TMX4: variants seen among roughly 807,000 people sequenced by gnomAD.
The protein encoded by TMX4 is thioredoxin-related transmembrane protein 4.
A neutral mutation model predicts 33.3 loss-of-function variants in TMX4; 23 were observed. That is an observed-to-expected ratio of 0.69 (90% CI 0.50 to 0.98). The LOEUF (loss-of-function observed/expected upper bound fraction) is 0.98. TMX4 is among the 50% of genes least tolerant of loss of function. The pLI is 0.00. For synonymous variants in TMX4, 164 were observed against 161.5 expected, an observed-to-expected ratio of 1.02 and a Z score of -0.12; for missense variants, 399 against 448.9, an observed-to-expected ratio of 0.89 and a Z score of 1.01.
chr20:8,000,968 TC>T (rs1167852826), intron 3 of TMX4, among the ~76,000 whole-genome samples: 1 of 152,140 alleles, frequency 6.6e-6, no homozygotes, highest in Non-Finnish European at 1.5e-5. Flanking sequence ...GACTCTTCCT[TC>T]CCACAGCTAA....
At chr20:7,989,252 G>A (rs2050644027) in intron 5 of TMX4, among the ~76,000 whole-genome samples, 1 of 151,976 alleles carries the variant, frequency 6.6e-6, no homozygotes, top group African/African-American at 2.4e-5. Context: ...GATGGTCAAA[G>A]TCAATCTGCC....
intron 1 of TMX4, chr20:8,018,979 C>T (rs557071967): frequency 1.4e-5 from 6 of 443,484 alleles, no homozygotes; most frequent in Admixed American, 9.8e-5. Flanking sequence ...GCCTGTGCTA[C>T]GTATTCATAC....
intron 5 of TMX4, 54 bp from the exon 6 acceptor site, chr20:7,987,443 T>C: frequency 1.6e-6 from 2 of 1,263,210 alleles, no homozygotes; most frequent in Non-Finnish European, 2.2e-6. Context: ...ACCAAAAATA[T>C]TTCAATCTCT....
At chr20:8,006,089 G>A (rs2050728939) in intron 2 of TMX4, among the ~76,000 whole-genome samples, 1 of 152,096 alleles carries the variant, frequency 6.6e-6, no homozygotes, top group African/African-American at 2.4e-5. Context: ...ACGCCCACTG[G>A]GGCTTCAGCT....
chr20:7,982,347 T>C lies in TMX4; in HGVS notation c.954A>G (p.Glu318=). The change falls in exon 8 of 8, where the codon GAA becomes GAG. Residue 318 remains glutamate (E), a synonymous_variant. Coordinates refer to ENST00000246024, the MANE Select transcript of TMX4 (RefSeq NM_021156.4). ...TREEVEPEEA[E]EGISEQPCPA... ...GGCAGGGTTGCTCAGAGATGCCTTC[T>C]TCAGCCTCCTCAGGCTCTACTTCCT... is the stretch of plus-strand genomic sequence containing the variant. 2.5e-6 allele frequency: 4 copies of C among 1,614,122 alleles called. No homozygotes were observed. The highest frequency in any genetic ancestry group is 3.4e-6 in the Non-Finnish European group (4 of 1,180,022).
At chr20:8,018,481 GGAGAGA>G (rs1156723197) in intron 1 of TMX4, among the ~76,000 whole-genome samples, 42 of 13,710 alleles carry the variant, frequency 3.1e-3, no homozygotes, top group South Asian at 9.2e-3. Context: ...GGAGGGAGGG[GGAGAGA>G]GAGAGAGAGA....
rs891121417 is a variant in TMX4, at chr20:7,982,386, G to A, written c.915C>T (p.Asp305=). The change falls in exon 8 of 8, where the codon GAC becomes GAT. Residue 305 remains aspartate (D), a synonymous_variant. Transcript: ENST00000246024. ...GCTCTACTTCCTCCCGGGTCACACC[G>A]TCCTCTCCTGGGGGCCCCTGATCAT... ...EANDQGPPGE[D]GVTREEVEPE... 4.3e-6 allele frequency: 7 copies of A among 1,613,814 alleles called. No individual in the cohort carries two copies. Among genetic ancestry groups the A allele is most frequent in the African/African-American group, 1.3e-5 (1 of 74,828 alleles).
intron 5 of TMX4, among the ~76,000 whole-genome samples, chr20:7,988,146 G>T (rs910943307): frequency 6.6e-6 from 1 of 152,192 alleles, no homozygotes; most frequent in African/African-American, 2.4e-5. Flanking sequence ...TAGATGTAGA[G>T]TTGCAGGAGC....
At chr20:8,005,274 T>C (rs1052559200) in intron 2 of TMX4, among the ~76,000 whole-genome samples, 1 of 152,178 alleles carries the variant, frequency 6.6e-6, no homozygotes, top group African/African-American at 2.4e-5. Context: ...AAGGTTCAAG[T>C]ATATACTCAT....
chr20:7,986,354 C>T (rs987243573), intron 6 of TMX4, among the ~76,000 whole-genome samples: 3 of 152,000 alleles, frequency 2.0e-5, no homozygotes, highest in African/African-American at 7.3e-5. Context: ...CCTCCTTGGC[C>T]TCTTGGGGTT....
chr20:8,010,131 T>C (rs2050746840), intron 2 of TMX4, 69 bp downstream of exon 2: 2 of 1,369,012 alleles, frequency 1.5e-6, no homozygotes, highest in African/African-American at 1.5e-5. Flanking sequence ...AACTTTTCTA[T>C]ATGCTTGAAA....
At chr20:8,004,512 T>C (rs2050719648) in intron 2 of TMX4, among the ~76,000 whole-genome samples, 2 of 152,358 alleles carry the variant, frequency 1.3e-5, no homozygotes, top group South Asian at 4.1e-4. Flanking sequence ...TTTTTTACTT[T>C]AAGGGTAACT....
intron 6 of TMX4, among the ~76,000 whole-genome samples, chr20:7,985,274 TA>T (rs1431963720): frequency 0.043 from 4,496 of 104,722 alleles, 192 homozygotes; most frequent in African/African-American, 0.17. Context: ...TATATATATA[TA>T]TATTTTTTTT....
chr20:7,985,624 A>C (rs1212380769), intron 6 of TMX4, among the ~76,000 whole-genome samples: 3 of 152,174 alleles, frequency 2.0e-5, no homozygotes, highest in African/African-American at 4.8e-5. Context: ...TTGGAAACTT[A>C]TTAACAGTAA....
rs1419037869 is a variant in TMX4, at chr20:7,982,495, T to C, written c.806A>G (p.Asp269Gly). Residue 269 changes from aspartate (D) to glycine (G), a missense_variant, in exon 8 of 8, where the codon GAT (aspartate) becomes GGT (glycine). Asp to Gly is a moderately conservative substitution (Grantham distance 94). Transcript: ENST00000246024. ...CTCTGCTTCATCCTCATCGCCAAGA[T>C]CTTCTTTCTCTTCTTCATCATCTAC... ...SLVDDEEEKE[D>G]LGDEDEAEEE... 1.2e-6 allele frequency: 2 copies of C among 1,613,920 alleles called. No individual in the cohort carries two copies. The highest frequency in any genetic ancestry group is 1.7e-5 in the Admixed American group (1 of 60,002).
chr20:7,991,116 G>A (rs1244347170), intron 5 of TMX4, among the ~76,000 whole-genome samples: 1 of 152,144 alleles, frequency 6.6e-6, no homozygotes, highest in Non-Finnish European at 1.5e-5. Context: ...TTTAAATAAA[G>A]CCTTAAGTTT....
intron 1 of TMX4, chr20:8,013,719 T>C (rs1365752604): frequency 2.0e-5 from 3 of 152,268 alleles, no homozygotes; most frequent in Admixed American, 2.0e-4. Context: ...GACTTACTTA[T>C]ATTTATTTCC....
intron 3 of TMX4, among the ~76,000 whole-genome samples, chr20:8,000,307 A>G (rs930358524): frequency 1.3e-5 from 2 of 151,938 alleles, no homozygotes; most frequent in Admixed American, 6.6e-5. Flanking sequence ...CCTCTCACCT[A>G]CTTGCAGCAA....
In TMX4 at chr20:8,019,568, C is replaced by A; in HGVS notation, c.46G>T (p.Ala16Ser). Residue 16 changes from alanine to serine, a missense_variant, in exon 1 of 8, where the codon GCC (alanine) becomes TCC (serine). Coordinates refer to ENST00000246024, the MANE Select transcript of TMX4 (RefSeq NM_021156.4). ...GTCGCCGCCACAGCCGCGATCCAGG[C>A]GGCCAGGAGCGCCGTTAGCTGCGGG... ...CGPQLTALLA[A>S]WIAAVAATAG... is the part of the protein sequence containing the mutation. 7.1e-7 allele frequency: 1 copy of A among 1,408,490 alleles called. No homozygotes were observed. Among genetic ancestry groups the A allele is most frequent in the East Asian group, 3.1e-5 (1 of 32,626 alleles). The allele number at this position is 1,408,490 out of a possible 1,614,324, so 87.2% of individuals were successfully genotyped here. A position where few individuals can be genotyped will look rare whatever the true frequency, so the allele number is the denominator to read the frequency against.
Sources: allele counts gnomAD v4.1 joint callset (sites outside exome capture counted in the v4.1 genomes callset), GRCh38; gene constraint gnomAD v4.1.1; transcripts MANE v1.5; gene names NCBI Gene and HGNC (gene_info 2026-07-23, HGNC 2026-07-21).